Variants in MAP7 observed in about 807,000 individuals in gnomAD.
MAP7 encodes the protein microtubule associated protein 7.
Under a neutral mutation model 94.8 loss-of-function variants are expected in MAP7, and 52 were observed. The ratio of observed to expected loss-of-function variants is 0.55; its 90% CI spans 0.44 to 0.69. MAP7 has a LOEUF of 0.69. Among genes scored for constraint, MAP7 ranks in the 30% least tolerant of loss-of-function variants. The pLI is 0.00. For synonymous variants in MAP7, 350 were observed against 357.0 expected (o/e 0.98, Z 0.22); for missense variants, 940 against 964.6 (o/e 0.97, Z 0.34).
intron 16 of MAP7, among the ~76,000 whole-genome samples, chr6:136,348,202 A>G (rs1788212412): frequency 6.6e-6 from 1 of 152,202 alleles, no homozygotes; most frequent in Non-Finnish European, 1.5e-5. Context: ...ACAGGAACGT[A>G]TCTCCAGAGC....
At chr6:136,474,704 T>C (rs1810269983) in intron 1 of MAP7, among the ~76,000 whole-genome samples, 1 of 147,450 alleles carries the variant, frequency 6.8e-6, no homozygotes. Flanking sequence ...TCTTCTATGC[T>C]GCATGTCAAT....
At chr6:136,348,343 T>C (rs1788259248) in intron 16 of MAP7, among the ~76,000 whole-genome samples, 1 of 152,158 alleles carries the variant, frequency 6.6e-6, no homozygotes, top group South Asian at 2.1e-4. Flanking sequence ...CCATTCTACC[T>C]GCTGGCAATC....
chr6:136,414,207 C>G (rs1392141248), intron 2 of MAP7, among the ~76,000 whole-genome samples: 46 of 125,272 alleles, frequency 3.7e-4, no homozygotes, highest in African/African-American at 1.4e-3. Context: ...GAGCCGAGAT[C>G]GCGCCACTGC....
chr6:136,416,494 T>C (rs1020351835), intron 2 of MAP7, among the ~76,000 whole-genome samples: 1 of 152,168 alleles, frequency 6.6e-6, no homozygotes, highest in African/African-American at 2.4e-5. Context: ...AAGTTAGCTA[T>C]AGAAAATACT....
intron 1 of MAP7, among the ~76,000 whole-genome samples, chr6:136,444,148 C>G (rs923901953): frequency 6.6e-6 from 1 of 152,200 alleles, no homozygotes; most frequent in Non-Finnish European, 1.5e-5. Flanking sequence ...GCCTAACCAA[C>G]ATTTCACAAA....
intron 1 of MAP7, chr6:136,526,626 G>A (rs1437465769): frequency 2.0e-6 from 2 of 985,542 alleles, no homozygotes; most frequent in Non-Finnish European, 2.4e-6. Context: ...CCGCTGGGCA[G>A]CTCCCTCTTC....
At chr6:136,372,682 A>G in intron 7 of MAP7, 57 bp from the exon 8 acceptor site, 1 of 1,611,998 alleles carries the variant, frequency 6.2e-7, no homozygotes, top group Non-Finnish European at 8.5e-7. Flanking sequence ...TACACACAAG[A>G]GTGCCAGAGG....
At chr6:136,470,362 A>G (rs546581603) in intron 1 of MAP7, among the ~76,000 whole-genome samples, 1 of 152,010 alleles carries the variant, frequency 6.6e-6, no homozygotes, top group East Asian at 1.9e-4. Flanking sequence ...AAAATTGTAT[A>G]TATTTAGGGT....
At chr6:136,384,892 T>C (rs1162407953) in intron 5 of MAP7, among the ~76,000 whole-genome samples, 9 of 152,210 alleles carry the variant, frequency 5.9e-5, no homozygotes, top group Non-Finnish European at 1.5e-5. Flanking sequence ...TCATGCTCAT[T>C]AGGATAAACG....
intron 8 of MAP7, among the ~76,000 whole-genome samples, chr6:136,366,706 T>G (rs748348547): frequency 2.0e-5 from 3 of 152,238 alleles, no homozygotes; most frequent in Admixed American, 1.3e-4. Flanking sequence ...TACATACTTT[T>G]AGAAAGCACC....
At chr6:136,386,895 C>G (rs888844936) in intron 5 of MAP7, among the ~76,000 whole-genome samples, 1 of 152,212 alleles carries the variant, frequency 6.6e-6, no homozygotes, top group African/African-American at 2.4e-5. Context: ...ACTGTATCCT[C>G]AAATTCCTGG....
chr6:136,411,608 G>A lies in MAP7; in HGVS notation c.244+12C>T. The stretch of plus-strand genomic sequence containing the variant: ...ATTCAAATCAGGGCCATGGACACGG[G>A]GCCTGGGGTACCTAGCTGTTTCTCC... On this transcript the variant is annotated intron_variant, in intron 3 of 17. Coordinates refer to ENST00000354570, the MANE Select transcript of MAP7 (RefSeq NM_003980.6). 1.3e-6 allele frequency: 2 copies of A among 1,555,486 alleles called. No homozygotes were observed. The highest frequency in any genetic ancestry group is 1.7e-6 in the Non-Finnish European group (2 of 1,148,698).
chr6:136,510,988 G>A (rs1823098235), intron 1 of MAP7, among the ~76,000 whole-genome samples: 1 of 152,034 alleles, frequency 6.6e-6, no homozygotes, highest in Non-Finnish European at 1.5e-5. Flanking sequence ...TATCGTAGGT[G>A]GTGTGGAAAC....
intron 3 of MAP7, among the ~76,000 whole-genome samples, chr6:136,396,032 T>C (rs1782365030): frequency 2.0e-5 from 3 of 152,186 alleles, no homozygotes. Context: ...TGCTCAGGAT[T>C]GCTTTGACTA....
At chr6:136,387,250 C>T (rs766534092) in intron 5 of MAP7, among the ~76,000 whole-genome samples, 7 of 151,926 alleles carry the variant, frequency 4.6e-5, no homozygotes, top group East Asian at 1.9e-4. Context: ...TAATGATTGA[C>T]GGGGAAAAAA....
chr6:136,500,308 G>T (rs566314185), intron 1 of MAP7, among the ~76,000 whole-genome samples: 1 of 152,282 alleles, frequency 6.6e-6, no homozygotes, highest in Admixed American at 6.5e-5. Context: ...GGCATCCCAG[G>T]CCAGGAAAAC....
At position 136,365,740 on chromosome 6, in the gene MAP7, C is replaced by A; in HGVS notation, c.1268G>T (p.Gly423Val). The A allele has an allele frequency of 1.9e-6, 3 of 1,613,486 alleles. No homozygotes were observed. Among genetic ancestry groups the A allele is most frequent in the Non-Finnish European group, 2.5e-6 (3 of 1,179,656 alleles). ...EERTPAEPEV[G>V]PAAPAMAPAP... The stretch of plus-strand genomic sequence containing the variant: ...ACAGGTGAGTTTGCTCTTACCAGGG[C>A]CAACTTCTGGTTCAGCAGGTGTCCG... Residue 423 changes from glycine to valine, a missense_variant, in exon 10 of 18, where the codon GGC (glycine) becomes GTC (valine). Gly to Val is a moderately radical substitution (Grantham distance 109). Coordinates refer to ENST00000354570, the MANE Select transcript of MAP7 (RefSeq NM_003980.6).
chr6:136,453,858 T>C (rs1801934203), intron 1 of MAP7, among the ~76,000 whole-genome samples: 1 of 152,228 alleles, frequency 6.6e-6, no homozygotes, highest in Non-Finnish European at 1.5e-5. Flanking sequence ...TTCATAGTAT[T>C]CAGCCAAAGC....
chr6:136,498,365 A>T (rs889303193), intron 1 of MAP7, among the ~76,000 whole-genome samples: 1 of 152,098 alleles, frequency 6.6e-6, no homozygotes, highest in South Asian at 2.1e-4. Flanking sequence ...AACTGAGGAC[A>T]CTGGGAACAC....
Sources: gnomAD v4.1 joint callset for allele counts (sites outside exome capture counted in the v4.1 genomes callset) on GRCh38, gnomAD v4.1.1 for gene constraint, MANE v1.5 for transcripts, NCBI Gene and HGNC (gene_info 2026-07-23, HGNC 2026-07-21) for gene names.